DNAH5: variants seen among roughly 807,000 people sequenced by gnomAD.
The protein encoded by DNAH5 is axonemal beta dynein heavy chain 5.
DNAH5 carries 372 observed loss-of-function variants against 518.2 expected under a neutral mutation model. That is an observed-to-expected ratio of 0.72 (90% CI 0.66 to 0.78). The LOEUF (loss-of-function observed/expected upper bound fraction) is 0.78. Ranked by LOEUF, DNAH5 falls within the 30% of genes least tolerant of loss-of-function variation. The pLI is 0.00. For synonymous variants in DNAH5, 2,039 were observed against 2,025.9 expected, an observed-to-expected ratio of 1.01 and a Z score of -0.17; for missense variants, 5,523 against 5,687.0, an observed-to-expected ratio of 0.97 and a Z score of 0.93.
upstream of DNAH5, among the ~76,000 whole-genome samples, chr5:13,949,187 C>T (rs936288336): frequency 6.6e-6 from 1 of 152,178 alleles, no homozygotes; most frequent in East Asian, 1.9e-4. Context: ...GACTAGATGA[C>T]TAAGGAAATG....
At chr5:13,816,725 T>TTTAA (rs1761498242) in intron 42 of DNAH5, among the ~76,000 whole-genome samples, 1 of 152,222 alleles carries the variant, frequency 6.6e-6, no homozygotes, top group African/African-American at 2.4e-5. Context: ...AGCATTTTCA[T>TTTAA]TTCTCTTTCG....
In DNAH5 at chr5:13,885,504, G is replaced by C. The variant is rs10462711; in HGVS notation, c.2744-276C>G. ...AGGAGCTATGGCTGGAAAAGCTACA[G>C]TGGCCCCCAAGGACCTGGGTTCTGG... On this transcript the variant is annotated intron_variant, in intron 18 of 78. Coordinates refer to ENST00000265104, the MANE Select transcript of DNAH5 (RefSeq NM_001369.3). Among the ~76,000 whole-genome samples the C allele has an allele frequency of 0.74, 112,251 of 152,086 alleles. 42,148 individuals are homozygous for C. Among genetic ancestry groups the C allele is most frequent in the African/African-American group, 0.89 (36,831 of 41,542 alleles).
intron 1 of DNAH5, among the ~76,000 whole-genome samples, chr5:13,958,827 T>C (rs760741219): frequency 6.6e-6 from 1 of 152,250 alleles, no homozygotes. Context: ...CATAGATAGT[T>C]AACAAAATTA....
intron 15 of DNAH5, chr5:13,899,858 A>G (rs747502701): frequency 2.2e-5 from 6 of 274,878 alleles, no homozygotes; most frequent in Non-Finnish European, 4.2e-5. Context: ...ACACTTCACA[A>G]ACAGGCTTCC....
intron 23 of DNAH5, among the ~76,000 whole-genome samples, chr5:13,871,286 A>T (rs1258730282): frequency 6.6e-6 from 1 of 152,214 alleles, no homozygotes; most frequent in African/African-American, 2.4e-5. Context: ...ATTGTTATTT[A>T]TTAAACAAAG....
At chr5:13,938,037 T>C (rs1262708540) in intron 1 of DNAH5, among the ~76,000 whole-genome samples, 2 of 152,246 alleles carry the variant, frequency 1.3e-5, no homozygotes, top group African/African-American at 4.8e-5. Context: ...AAATAAACAA[T>C]TCATAAGTTT....
intron 21 of DNAH5, among the ~76,000 whole-genome samples, chr5:13,878,548 C>T (rs917209541): frequency 2.0e-5 from 3 of 152,260 alleles, no homozygotes; most frequent in Middle Eastern, 3.4e-3. Context: ...ATGAGTGTTC[C>T]CTCTGGCTCC....
At chr5:13,777,612 A>G (rs1337697737) in intron 53 of DNAH5, among the ~76,000 whole-genome samples, 1 of 152,234 alleles carries the variant, frequency 6.6e-6, no homozygotes, top group Admixed American at 6.5e-5. Flanking sequence ...TTTTTATCAC[A>G]ACCAAATGTC....
rs1426649944 is a variant in DNAH5 at position 13,786,219 on chromosome 5, T to G, written c.8780A>C (p.Asp2927Ala). The G allele has an allele frequency of 1.2e-6, 2 of 1,614,070 alleles. No homozygotes were observed. The change falls in exon 52 of 79, where the codon GAC becomes GCC. Residue 2927 changes from aspartate to alanine, a missense_variant. Physicochemically the swap from Asp to Ala is moderately radical, Grantham distance 126. This residue lies in a region of DNAH5 where 5,121 missense variants were observed against 5,223.3 expected (regional missense o/e 0.98). Transcript: ENST00000265104. ...CATGGCATCTGCAAAGAACACCATG[T>G]CCATGCCGGCGCCACGGATGCTCTC... ...YNESIRGAGM[D>A]MVFFADAMVH...
At position 14,004,030 on chromosome 5, in the gene DNAH5, T is replaced by C. The variant is rs183454012; in HGVS notation, c.12+7618A>G. Among the ~76,000 whole-genome samples the C allele has an allele frequency of 1.9e-4, 29 of 152,376 alleles. No homozygotes were observed. In the Middle Eastern group the frequency reaches 0.01, roughly 54 times the overall value. ...GAAGAGAAAATACAATGATTGTTGC[T>C]ATTTCAAGTCACTAACTTTGGGAGT... is the stretch of plus-strand genomic sequence containing the variant. On this transcript the variant is annotated intron_variant, in intron 1 of 78. Coordinates refer to the DNAH5 transcript ENST00000681290.
Position 13,928,120 on chromosome 5 carries a change from T to G in DNAH5, c.251A>C (p.Tyr84Ser), listed in dbSNP as rs780968511. The change falls in exon 3 of 79, where the codon TAT becomes TCT. Residue 84 changes from tyrosine to serine, a missense_variant. By Grantham distance (144) the Tyr-to-Ser change is moderately radical. Coordinates refer to ENST00000265104, the MANE Select transcript of DNAH5 (RefSeq NM_001369.3). ...VGGLRHLMFY[Y>S]QDVEEAETGQ... ...TGTTTCTGCTTCCTCCACATCTTGA[T>G]AGTAAAACATGAGGTGTCGGAGACC... is the stretch of plus-strand genomic sequence containing the variant. The G allele has an allele frequency of 2.5e-6, 4 of 1,613,996 alleles. No homozygotes were observed. In the Admixed American group the frequency reaches 6.7e-5, roughly 27 times the overall value.
chr5:13,983,308 A>G (rs1304098343), intron 1 of DNAH5, among the ~76,000 whole-genome samples: 1 of 152,302 alleles, frequency 6.6e-6, no homozygotes, highest in African/African-American at 2.4e-5. Flanking sequence ...TTCCCATCCA[A>G]ACCTGGAGCC....
At position 13,691,173 on chromosome 5, in the gene DNAH5, T is replaced by A. The variant is rs1740658883; in HGVS notation, c.*811A>T. 1 of 152,210 alleles carries A rather than the reference T, an allele frequency of 6.6e-6. No homozygotes were observed. The highest frequency in any genetic ancestry group is 2.4e-5 in the African/African-American group (1 of 41,448). 9.4% of individuals were successfully genotyped at this position (152,210 alleles called of 1,614,324 possible). On this transcript the variant is annotated 3_prime_UTR_variant, in exon 79 of 79. Coordinates refer to ENST00000265104, the MANE Select transcript of DNAH5 (RefSeq NM_001369.3). Reference sequence around the variant, plus strand: ...AAATGCAATTTTATATAGACTGTTTTCAGTCTTTTAAATTGTTTCCTTGAT... The same window carrying A: ...AAATGCAATTTTATATAGACTGTTTACAGTCTTTTAAATTGTTTCCTTGAT...
chr5:13,915,333 T>C (rs1321420288), intron 9 of DNAH5, among the ~76,000 whole-genome samples: 3 of 152,120 alleles, frequency 2.0e-5, no homozygotes, highest in Non-Finnish European at 4.4e-5. Flanking sequence ...AGTATACGAT[T>C]CTCTCCTTTT....
At chr5:13,919,386 C>A (rs1251857257) in intron 6 of DNAH5, 34 bp from the exon 7 acceptor site, 1 of 1,611,124 alleles carries the variant, frequency 6.2e-7, no homozygotes, top group Non-Finnish European at 8.5e-7. Flanking sequence ...CGAGCCATTG[C>A]ACGGGGCTGG....
chr5:13,862,280 G>A (rs1299113974), intron 29 of DNAH5, among the ~76,000 whole-genome samples: 1 of 152,108 alleles, frequency 6.6e-6, no homozygotes, highest in African/African-American at 2.4e-5. Flanking sequence ...AATAAAACCA[G>A]AGTTACACAT....
intron 12 of DNAH5, among the ~76,000 whole-genome samples, chr5:13,908,466 T>G (rs1775617876): frequency 1.3e-5 from 2 of 152,166 alleles, no homozygotes; most frequent in Non-Finnish European, 2.9e-5. Context: ...CGCAAAGGCC[T>G]GGGCTGAACT....
Position 13,753,559 on chromosome 5 carries a change from AAAAC to A in DNAH5, c.10556-14_10556-11del, listed in dbSNP as rs1750562798. 1 of 1,607,626 alleles carries A rather than the reference AAAAC, an allele frequency of 6.2e-7. No homozygotes were observed. The highest frequency in any genetic ancestry group is 1.7e-5 in the Admixed American group (1 of 59,698). ...GCCAACAGTACATCCCCTAAAATAG[AAAAC>A]AAACACCATTGAAATACTTTACGTT... On this transcript the variant is annotated splice_polypyrimidine_tract_variant and intron_variant, in intron 62 of 78. Transcript: ENST00000265104.
At chr5:13,817,329 T>C (rs1761573181) in intron 42 of DNAH5, among the ~76,000 whole-genome samples, 1 of 152,154 alleles carries the variant, frequency 6.6e-6, no homozygotes, top group Non-Finnish European at 1.5e-5. Context: ...TACAGACATA[T>C]TTTTTTAGAA....
Sources: gnomAD v4.1 joint callset for allele counts (sites outside exome capture counted in the v4.1 genomes callset) on GRCh38, gnomAD v4.1.1 for gene constraint, gnomAD v4.1.1 regional missense constraint, MANE v1.5 for transcripts, NCBI Gene and HGNC (gene_info 2026-07-23, HGNC 2026-07-21) for gene names.